LAMA1: variants seen among roughly 807,000 people sequenced by gnomAD.
LAMA1 encodes the protein laminin subunit alpha 1, also known as laminin subunit alpha-1.
In LAMA1, 219 loss-of-function variants were observed where a neutral mutation model predicts 348.7. The ratio of observed to expected loss-of-function variants is 0.63; its 90% CI spans 0.56 to 0.70. The LOEUF is 0.70. Among genes scored for constraint, LAMA1 ranks in the 30% least tolerant of loss-of-function variants. LAMA1 has a pLI of 0.00. For missense variants in LAMA1, 3,744 were observed against 3,888.0 expected (o/e 0.96, Z 0.99); for synonymous variants, 1,487 against 1,491.0 (o/e 1.00, Z 0.06).
intron 57 of LAMA1, among the ~76,000 whole-genome samples, chr18:6,951,294 C>T (rs1161103891): frequency 2.0e-5 from 3 of 152,198 alleles, no homozygotes; most frequent in African/African-American, 4.8e-5. Flanking sequence ...AAGCATTCAA[C>T]GCGGGTAACT....
At chr18:7,038,409 C>G (rs1243997813) in intron 11 of LAMA1, among the ~76,000 whole-genome samples, 1 of 152,160 alleles carries the variant, frequency 6.6e-6, no homozygotes, top group Non-Finnish European at 1.5e-5. Context: ...CCCACCCTCG[C>G]CACTGGAGGG....
At position 7,049,141 on chromosome 18, in the gene LAMA1, A is replaced by G; in HGVS notation, c.705T>C (p.Asn235=). 2 of 1,614,162 alleles carry G rather than the reference A, an allele frequency of 1.2e-6. No homozygotes were observed. The highest frequency in any genetic ancestry group is 1.7e-6 in the Non-Finnish European group (2 of 1,180,026). The change falls in exon 5 of 63, where the codon AAT becomes AAC. Residue 235 remains asparagine, a synonymous_variant. Coordinates refer to ENST00000389658, the MANE Select transcript of LAMA1 (RefSeq NM_005559.4). ...RLRLQRIRTL[N]ADLMTLSHRE... is the part of the protein sequence containing the mutation. The stretch of plus-strand genomic sequence containing the variant: ...GGTGGCTAAGGGTCATGAGATCTGC[A>G]TTGAGCGTTCTAATGCGTTGCAAGC...
chr18:7,023,140 C>A lies in LAMA1; in HGVS notation c.2701+24G>T, dbSNP rs12605782. 33 of 1,604,266 alleles carry A rather than the reference C, an allele frequency of 2.1e-5. 1 individual carries two copies. The South Asian group carries it at 3.6e-4, about 17-fold the overall frequency. The stretch of plus-strand genomic sequence containing the variant: ...CTTCCTATGGCAATAAACAGCTGAC[C>A]TGACTTCACGCTCACGCACTCACCG... On this transcript the variant is annotated intron_variant, in intron 19 of 62. Transcript: ENST00000389658.
At chr18:7,065,184 G>C (rs2058117615) in intron 3 of LAMA1, among the ~76,000 whole-genome samples, 1 of 138,672 alleles carries the variant, frequency 7.2e-6, no homozygotes, top group Non-Finnish European at 1.5e-5. Context: ...AGTGAGCTGA[G>C]ATTGCGCCAC....
intron 36 of LAMA1, among the ~76,000 whole-genome samples, chr18:6,992,101 G>T (rs2057761403): frequency 6.6e-6 from 1 of 152,332 alleles, no homozygotes; most frequent in Non-Finnish European, 1.5e-5. Flanking sequence ...TGTGATCTCT[G>T]TGTCACTTCA....
intron 3 of LAMA1, among the ~76,000 whole-genome samples, chr18:7,072,146 C>T (rs1441814324): frequency 1.3e-5 from 2 of 152,166 alleles, no homozygotes; most frequent in South Asian, 4.1e-4. Context: ...TAATTATTGA[C>T]TTATGAATTT....
intron 12 of LAMA1, among the ~76,000 whole-genome samples, chr18:7,037,109 A>G (rs376134883): frequency 1.3e-5 from 2 of 152,226 alleles, no homozygotes; most frequent in African/African-American, 4.8e-5. Context: ...TGTGAGCTTC[A>G]GATGAGCACA....
At chr18:6,943,139 C>T (rs1363729188) in intron 62 of LAMA1, 41 bp downstream of exon 62, 2 of 1,543,654 alleles carry the variant, frequency 1.3e-6, no homozygotes, top group Non-Finnish European at 1.8e-6. Context: ...CCTCCAGGGA[C>T]AGTGCCCCTT....
At position 7,020,509 on chromosome 18, in the gene LAMA1, G is replaced by C. The variant is rs550630832; in HGVS notation, c.2701+2655C>G. Among the ~76,000 whole-genome samples the C allele has an allele frequency of 2.6e-5, 4 of 152,182 alleles. No homozygotes were observed. The East Asian group carries it at 7.7e-4, about 29-fold the overall frequency. On this transcript the variant is annotated intron_variant, in intron 19 of 62. Transcript: ENST00000389658. ...GGGAACCCTGTTATAGAAATGGAAG[G>C]ACTGCTCGTGGGATATGCAGAAACA...
chr18:6,962,174 C>A, intron 51 of LAMA1, 115 bp from the exon 52 acceptor site: 1 of 758,020 alleles, frequency 1.3e-6, no homozygotes, highest in Non-Finnish European at 2.4e-6. Context: ...GTAATCCCAG[C>A]ACTTTGGAAG....
intron 48 of LAMA1, among the ~76,000 whole-genome samples, chr18:6,971,257 T>G (rs2057657094): frequency 6.6e-6 from 1 of 152,212 alleles, no homozygotes; most frequent in Admixed American, 6.5e-5. Flanking sequence ...GGTTAAGTCA[T>G]TGAATGCCTT....
chr18:7,026,416 T>C (rs1432021530), intron 16 of LAMA1, among the ~76,000 whole-genome samples: 1 of 152,184 alleles, frequency 6.6e-6, no homozygotes, highest in Non-Finnish European at 1.5e-5. Flanking sequence ...CTGCTACCTC[T>C]AAGGGGAATT....
chr18:7,038,760 T>A (rs759553747), intron 11 of LAMA1, 50 bp downstream of exon 11: 3 of 1,610,102 alleles, frequency 1.9e-6, no homozygotes, highest in Non-Finnish European at 2.5e-6. Flanking sequence ...GCCAAGCTTG[T>A]GCAATACGAC....
rs763443580 is a variant in LAMA1, at chr18:7,049,183, T to A, written c.663A>T (p.Ala221=). ...LSPKLLEFTS[A]RYIRLRLQRI... is the part of the protein sequence containing the mutation. ...GTTGCAAGCGAAGGCGAATATATCGTGCAGAAGTGAATTCCAACAACTTGG... is the reference window on the plus strand; with the variant it reads ...GTTGCAAGCGAAGGCGAATATATCGAGCAGAAGTGAATTCCAACAACTTGG... The change falls in exon 5 of 63, where the codon GCA becomes GCT. Residue 221 remains alanine, a synonymous_variant. Coordinates refer to ENST00000389658, the MANE Select transcript of LAMA1 (RefSeq NM_005559.4). The A allele has an allele frequency of 1.9e-6, 3 of 1,614,228 alleles. No individual in the cohort carries two copies. The Admixed American group carries it at 5.0e-5, about 27-fold the overall frequency.
At chr18:7,065,688 T>C (rs151066607) in intron 3 of LAMA1, among the ~76,000 whole-genome samples, 1,810 of 151,566 alleles carry the variant, frequency 0.012, 16 homozygotes, top group Middle Eastern at 0.017. Flanking sequence ...GATCGCACCG[T>C]TGCACTCCAG....
At chr18:6,965,592 C>A (rs1001530254) in intron 49 of LAMA1, 160 bp from the exon 50 acceptor site, 10 of 712,730 alleles carry the variant, frequency 1.4e-5, no homozygotes, top group Non-Finnish European at 2.4e-5. Flanking sequence ...AAAATGCCCA[C>A]GAAGGCTTTC....
rs748011539 is a variant in LAMA1 at position 6,948,440 on chromosome 18, T to C, written c.8673A>G (p.Glu2891=). The change falls in exon 60 of 63, where the codon GAA becomes GAG. Residue 2891 remains glutamate, a synonymous_variant. Transcript: ENST00000389658. The part of the protein sequence containing the change: ...TVNRCYAVAQ[E]GTYFDGSGYA... ...ATCCGCTTCCGTCAAAGTATGTTCC[T>C]TCCTGGGCCACTGCGTAGCACCTGT... is the stretch of plus-strand genomic sequence containing the variant. 6.8e-6 allele frequency: 11 copies of C among 1,614,204 alleles called. No individual in the cohort carries two copies. Among genetic ancestry groups the C allele is most frequent in the Admixed American group, 1.7e-5 (1 of 60,032 alleles).
At chr18:6,989,661 C>T (rs2057750149) in intron 36 of LAMA1, among the ~76,000 whole-genome samples, 1 of 151,998 alleles carries the variant, frequency 6.6e-6, no homozygotes, top group South Asian at 2.1e-4. Flanking sequence ...ATCCTAGAGG[C>T]CCTCGCCAAT....
chr18:6,950,862 G>A lies in LAMA1; in HGVS notation c.8317C>T (p.Leu2773Phe), dbSNP rs144592838. 1.9e-6 allele frequency: 3 copies of A among 1,614,062 alleles called. No homozygotes were observed. Among genetic ancestry groups the A allele is most frequent in the African/African-American group, 2.7e-5 (2 of 74,920 alleles). ...YAVLQLHGGRLHFMFDLGKGR... is the reference protein window; with the variant it reads ...YAVLQLHGGRFHFMFDLGKGR... ...TTGCCAAGGTCAAACATGAAGTGGA[G>A]GCGGCCCCCGTGCAGCTGGAGCACA... Residue 2773 changes from leucine to phenylalanine, a missense_variant, in exon 58 of 63, where the codon CTC (leucine) becomes TTC (phenylalanine). Around this residue, in one of 3 missense-constraint regions of LAMA1, gnomAD observed 1,983 missense variants for 1,934.3 expected, o/e 1.03. Coordinates refer to ENST00000389658, the MANE Select transcript of LAMA1 (RefSeq NM_005559.4).
Sources: allele counts gnomAD v4.1 joint callset (sites outside exome capture counted in the v4.1 genomes callset), GRCh38; gene constraint gnomAD v4.1.1; regional missense constraint gnomAD v4.1.1; transcripts MANE v1.5; gene names NCBI Gene and HGNC (gene_info 2026-07-23, HGNC 2026-07-21).